The following ADAMTSL1 variants were observed in gnomAD, a reference collection of about 807,000 sequenced individuals.
ADAMTSL1 encodes ADAMTS-like protein 1.
In ADAMTSL1, 126 loss-of-function variants were observed where a neutral mutation model predicts 201.8. The ratio of observed to expected loss-of-function variants is 0.62; its 90% confidence interval spans 0.54 to 0.72. The LOEUF (loss-of-function observed/expected upper bound fraction) is 0.72, where lower values mean the gene tolerates loss of function less well. Among genes scored for constraint, ADAMTSL1 ranks in the 30% least tolerant of loss-of-function variants. The pLI, the probability that ADAMTSL1 is intolerant of heterozygous loss-of-function variation, is 0.00. For synonymous variants in ADAMTSL1, 1,121 were observed against 903.4 expected, an observed-to-expected ratio of 1.24 and a Z score of -4.32; for missense variants, 2,679 against 2,277.8, an observed-to-expected ratio of 1.18 and a Z score of -3.59.
chr9:17,946,672 T>C (rs1339705974), intron 1 of ADAMTSL1, among the ~76,000 whole-genome samples: 1 of 152,146 alleles, frequency 6.6e-6, no homozygotes, highest in Non-Finnish European at 1.5e-5. Flanking sequence ...TATTCCAAAG[T>C]GAAGTTTGAG....
At chr9:18,045,833 C>A (rs988712890) in intron 1 of ADAMTSL1, among the ~76,000 whole-genome samples, 13 of 151,914 alleles carry the variant, frequency 8.6e-5, no homozygotes, top group Non-Finnish European at 1.5e-4. Flanking sequence ...GACAGTGACA[C>A]AACAAAGTTC....
intron 2 of ADAMTSL1, among the ~76,000 whole-genome samples, chr9:18,238,009 G>A (rs1830915009): frequency 6.6e-6 from 1 of 152,226 alleles, no homozygotes; most frequent in Non-Finnish European, 1.5e-5. Flanking sequence ...AGGCTGGAGG[G>A]AGGGGCTTCA....
chr9:18,586,498 CATTGAAATAGCCATACTGCCT>C (rs900908507), intron 4 of ADAMTSL1, among the ~76,000 whole-genome samples: 28 of 152,082 alleles, frequency 1.8e-4, no homozygotes, highest in African/African-American at 6.8e-4. Flanking sequence ...GAATCAGTAT[CATTGAAATAGCCATACTGCCT>C]AAAGCAATTT....
chr9:18,901,284 A>G (rs1830003645), intron 26 of ADAMTSL1, among the ~76,000 whole-genome samples: 1 of 152,224 alleles, frequency 6.6e-6, no homozygotes, highest in Admixed American at 6.5e-5. Context: ...TCCTGATTAC[A>G]AGACATATTA....
At chr9:18,588,902 T>TATATATATATATATATATATAC (rs1177277949) in intron 4 of ADAMTSL1, among the ~76,000 whole-genome samples, 1 of 116,770 alleles carries the variant, frequency 8.6e-6, no homozygotes, top group African/African-American at 3.0e-5. Flanking sequence ...TATATATATA[T>TATATATATATATATATATATAC]ACATATATAT....
chr9:18,415,578 A>G (rs1447563951), intron 2 of ADAMTSL1, among the ~76,000 whole-genome samples: 2 of 152,108 alleles, frequency 1.3e-5, no homozygotes, highest in East Asian at 3.8e-4. Flanking sequence ...TGCCTAATAT[A>G]TATGTAATCT....
chr9:18,597,560 G>A (rs533656358), intron 4 of ADAMTSL1, among the ~76,000 whole-genome samples: 26 of 152,124 alleles, frequency 1.7e-4, no homozygotes, highest in Admixed American at 3.9e-4. Context: ...TTAAAAATAG[G>A]CAAAGTAGAA....
chr9:18,863,542 C>T (rs1351485001), intron 23 of ADAMTSL1, among the ~76,000 whole-genome samples: 1 of 152,140 alleles, frequency 6.6e-6, no homozygotes, highest in Non-Finnish European at 1.5e-5. Flanking sequence ...TCCCAGAAAT[C>T]GGAGTGAAAA....
At chr9:18,173,184 T>G (rs1827982439) in intron 2 of ADAMTSL1, among the ~76,000 whole-genome samples, 1 of 152,204 alleles carries the variant, frequency 6.6e-6, no homozygotes, top group South Asian at 2.1e-4. Flanking sequence ...TAACAAAAAC[T>G]TGGGATAATA....
chr9:17,943,175 C>G (rs556239416), intron 1 of ADAMTSL1, among the ~76,000 whole-genome samples: 1 of 152,206 alleles, frequency 6.6e-6, no homozygotes, highest in South Asian at 2.1e-4. Flanking sequence ...CTCCTGGGTT[C>G]AAGCAGTCCT....
chr9:18,189,006 A>G (rs1043277818), intron 2 of ADAMTSL1, among the ~76,000 whole-genome samples: 1 of 152,230 alleles, frequency 6.6e-6, no homozygotes, highest in Non-Finnish European at 1.5e-5. Context: ...ATCGCTGTAC[A>G]GGTTCCCAAG....
chr9:18,271,135 G>A (rs1563848600), intron 2 of ADAMTSL1, among the ~76,000 whole-genome samples: 1 of 152,130 alleles, frequency 6.6e-6, no homozygotes, highest in East Asian at 1.9e-4. Flanking sequence ...ACAAATAGAG[G>A]AGATAATAAA....
At chr9:18,512,998 C>G (rs1027681374) in intron 2 of ADAMTSL1, among the ~76,000 whole-genome samples, 1 of 152,188 alleles carries the variant, frequency 6.6e-6, no homozygotes, top group African/African-American at 2.4e-5. Context: ...TACCACAGAA[C>G]AAAGGTTGGT....
intron 7 of ADAMTSL1, among the ~76,000 whole-genome samples, chr9:18,649,801 G>C (rs879060506): frequency 3.3e-5 from 5 of 152,106 alleles, no homozygotes; most frequent in African/African-American, 4.8e-5. Context: ...TGCCCCTACT[G>C]GGGGGTGCCT....
At position 17,911,614 on chromosome 9, in the gene ADAMTSL1, C is replaced by T. The variant is rs1825901883; in HGVS notation, c.87+4692C>T. 4.4e-5 allele frequency among the ~76,000 whole-genome samples: 3 copies of T among 68,782 alleles called. 1 individual carries two copies. Among genetic ancestry groups the T allele is most frequent in the Non-Finnish European group, 1.3e-4 (3 of 22,462 alleles). 45.1% of individuals were successfully genotyped at this position (68,782 alleles called of 152,430 possible). ...TAGGAATTCAGTAATAAAATAAATA[C>T]TTCCTGGTTGGCTGGAAAGAATTGC... On this transcript the variant is annotated intron_variant, in intron 1 of 29. Coordinates refer to the ADAMTSL1 transcript ENST00000680146.
rs563063353 is a variant in ADAMTSL1 at position 18,216,973 on chromosome 9, T to G, written c.207+52992T>G. Among the ~76,000 whole-genome samples the G allele has an allele frequency of 1.1e-3, 165 of 152,186 alleles. 1 individual carries two copies. The highest frequency in any genetic ancestry group is 3.8e-3 in the African/African-American group (160 of 41,566). On this transcript the variant is annotated intron_variant, in intron 2 of 29. Coordinates refer to the ADAMTSL1 transcript ENST00000680146. ...TGGGAGTACTATTTGTACCCTCCCC[T>G]CCATTAGATTGTTGGGAGTTGAGAT...
rs556282028 is a variant in ADAMTSL1, at chr9:18,813,091, C to T, written c.3806-4018C>T. ...CAAGTGATTCTCCTGCCTCAGCTTC[C>T]CAAGTAGCTGGGAGTACAGGCTGTG... On this transcript the variant is annotated intron_variant, in intron 20 of 28. Transcript: ENST00000380548. Among the ~76,000 whole-genome samples, 3 of 152,030 alleles carry T rather than the reference C, an allele frequency of 2.0e-5. No homozygotes were observed. In the South Asian group the frequency reaches 6.2e-4, roughly 32 times the overall value.
At chr9:18,439,135 G>A (rs1013845054) in intron 2 of ADAMTSL1, among the ~76,000 whole-genome samples, 4 of 152,044 alleles carry the variant, frequency 2.6e-5, no homozygotes, top group Non-Finnish European at 4.4e-5. Flanking sequence ...CGTCATGACC[G>A]CCCTGCCAGG....
At chr9:18,771,705 C>CT (rs374268861) in intron 17 of ADAMTSL1, among the ~76,000 whole-genome samples, 1,561 of 91,678 alleles carry the variant, frequency 0.017, 171 homozygotes, top group African/African-American at 0.046. Flanking sequence ...ACCCCAGTGC[C>CT]TTTTTTTTTT....
Sources: gnomAD v4.1 joint callset for allele counts (sites outside exome capture counted in the v4.1 genomes callset) on GRCh38, gnomAD v4.1.1 for gene constraint, MANE v1.5 for transcripts, NCBI Gene and HGNC (gene_info 2026-07-23, HGNC 2026-07-21) for gene names.